Variants in FGF13 observed in about 807,000 individuals in gnomAD.
The protein encoded by FGF13 is fibroblast growth factor 13.
FGF13 carries 2 observed loss-of-function variants against 19.5 expected under a neutral mutation model. That is an observed-to-expected ratio of 0.10 (90% CI 0.04 to 0.32). The LOEUF is 0.32. Ranked by LOEUF, FGF13 falls within the 10% of genes least tolerant of loss-of-function variation. The pLI is 1.00. For synonymous variants in FGF13, 72 were observed against 76.9 expected, an observed-to-expected ratio of 0.94 and a Z score of 0.33; for missense variants, 113 against 192.7, an observed-to-expected ratio of 0.59 and a Z score of 2.45.
intron 1 of FGF13, among the ~76,000 whole-genome samples, chrX:139,148,037 G>A (rs907824687): frequency 9.0e-6 from 1 of 111,601 alleles, no homozygotes; most frequent in African/African-American, 3.3e-5. Context: ...AAGGTACACA[G>A]TAAGTGACAG....
At chrX:138,691,259 G>A (rs887850789) in intron 3 of FGF13, among the ~76,000 whole-genome samples, 1 of 111,632 alleles carries the variant, frequency 9.0e-6, no homozygotes, top group African/African-American at 3.3e-5. Context: ...GTGAATCACT[G>A]TTATGACATG....
At chrX:138,733,065 G>A (rs1422648622) in intron 1 of FGF13, among the ~76,000 whole-genome samples, 1 of 111,860 alleles carries the variant, frequency 8.9e-6, no homozygotes, top group African/African-American at 3.2e-5. Context: ...AAATAATGTA[G>A]TTAGACAACA....
At chrX:138,872,300 G>A (rs2091362391) in intron 1 of FGF13, among the ~76,000 whole-genome samples, 1 of 111,842 alleles carries the variant, frequency 8.9e-6, no homozygotes, top group Non-Finnish European at 1.9e-5. Flanking sequence ...GGGCAAGGAG[G>A]AGAGACATCC....
At position 139,069,612 on chromosome X, in the gene FGF13, AT is replaced by A. The variant is rs2092369944; in HGVS notation, c.-113+133803del. 2.7e-5 allele frequency among the ~76,000 whole-genome samples: 3 copies of A among 109,855 alleles called. No homozygotes were observed. The Admixed American group carries it at 2.9e-4, about 11-fold the overall frequency. On this transcript the variant is annotated intron_variant, in intron 1 of 2. Transcript: ENST00000421460. ...CATGTACCCTAAAACTTAAAGTATA[AT>A]TTAAAAAAAAAAACTACTTTAAATT...
At chrX:138,694,270 T>C (rs967452892) in intron 3 of FGF13, among the ~76,000 whole-genome samples, 1 of 111,293 alleles carries the variant, frequency 9.0e-6, no homozygotes, top group African/African-American at 3.3e-5. Context: ...TGGTATGAAA[T>C]TAAAACATAT....
intron 3 of FGF13, among the ~76,000 whole-genome samples, chrX:138,675,179 G>A (rs762924934): frequency 2.7e-5 from 3 of 112,170 alleles, no homozygotes; most frequent in Non-Finnish European, 5.6e-5. Context: ...AACTTATGTT[G>A]TCATGAGCTT....
intron 1 of FGF13, among the ~76,000 whole-genome samples, chrX:139,184,252 G>A (rs1482238108): frequency 9.0e-6 from 1 of 111,697 alleles, no homozygotes; most frequent in African/African-American, 3.3e-5. Flanking sequence ...AATAACCAGA[G>A]ACTACATTTG....
At chrX:138,651,325 G>A (rs180760815) in intron 3 of FGF13, among the ~76,000 whole-genome samples, 30 of 112,343 alleles carry the variant, frequency 2.7e-4, no homozygotes, top group Admixed American at 1.0e-3. Flanking sequence ...GCAAAGAGAT[G>A]GGTGTGTAAA....
At chrX:139,100,264 G>A (rs7884308) in intron 1 of FGF13, among the ~76,000 whole-genome samples, 10,717 of 110,622 alleles carry the variant, frequency 0.097, 405 homozygotes, top group South Asian at 0.2. Flanking sequence ...GGACACACGA[G>A]CAGATTAAGG....
At chrX:139,103,297 G>A in intron 1 of FGF13, among the ~76,000 whole-genome samples, 1 of 112,013 alleles carries the variant, frequency 8.9e-6, no homozygotes, top group Non-Finnish European at 1.9e-5. Context: ...ACTAATGGCT[G>A]GATAAACAAA....
intron 1 of FGF13, among the ~76,000 whole-genome samples, chrX:138,989,034 C>T (rs942234459): frequency 1.8e-5 from 2 of 111,529 alleles, no homozygotes; most frequent in African/African-American, 6.5e-5. Context: ...TCGGCTACCA[C>T]TTATAGATGA....
chrX:138,976,656 A>G (rs1475955494), intron 1 of FGF13, among the ~76,000 whole-genome samples: 1 of 111,289 alleles, frequency 9.0e-6, no homozygotes, highest in African/African-American at 3.3e-5. Flanking sequence ...TATAAAATTC[A>G]CCCATGTAAC....
chrX:138,640,614 T>C (rs1820971162), intron 3 of FGF13, among the ~76,000 whole-genome samples: 1 of 111,721 alleles, frequency 9.0e-6, no homozygotes, highest in Non-Finnish European at 1.9e-5. Flanking sequence ...AGTCAGCAGA[T>C]GGTGTGTAGC....
Position 138,711,710 on chromosome X carries a change from A to G in FGF13, c.-707T>C. 5.3e-6 allele frequency: 4 copies of G among 752,087 alleles called. No homozygotes were observed. The highest frequency in any genetic ancestry group is 6.3e-6 in the Non-Finnish European group (4 of 637,175). 62.0% of individuals were successfully genotyped at this position (752,087 alleles called of 1,213,427 possible). ...AGCCGCCGCAGGCACCCTCCGGAAC[A>G]GCGCGACAGCCTCCTTGCAGCCCCC... is the stretch of plus-strand genomic sequence containing the variant. On this transcript the variant is annotated 5_prime_UTR_variant, in exon 1 of 5. Transcript: ENST00000315930.
intron 1 of FGF13, among the ~76,000 whole-genome samples, chrX:139,169,095 G>A (rs906918847): frequency 3.6e-5 from 4 of 111,952 alleles, no homozygotes; most frequent in Non-Finnish European, 7.5e-5. Context: ...CACAACAGGA[G>A]GTACTAGTAT....
intron 3 of FGF13, among the ~76,000 whole-genome samples, chrX:138,653,950 T>C (rs758257486): frequency 3.4e-4 from 38 of 112,033 alleles, no homozygotes; most frequent in Admixed American, 2.9e-3. Context: ...GCAAATAGCG[T>C]CCCAGATTGG....
intron 1 of FGF13, among the ~76,000 whole-genome samples, chrX:138,957,664 C>T (rs1328063943): frequency 8.9e-6 from 1 of 111,756 alleles, no homozygotes; most frequent in South Asian, 3.8e-4. Context: ...GAATGTTCTT[C>T]CATTTGTTTG....
In FGF13 at chrX:138,702,973, C is replaced by A; in HGVS notation, c.402+11G>T. ...AGAATAGTCAAAACATGCACACAGT[C>A]AAAAGCTTACCGAGGTGTACAAGTA... is the stretch of plus-strand genomic sequence containing the variant. On this transcript the variant is annotated intron_variant, in intron 3 of 4. Transcript: ENST00000315930. The A allele has an allele frequency of 8.6e-7, 1 of 1,168,675 alleles. No homozygotes were observed. The highest frequency in any genetic ancestry group is 1.8e-5 in the South Asian group (1 of 55,887).
At chrX:138,986,169 A>T (rs2091993981) in intron 1 of FGF13, among the ~76,000 whole-genome samples, 1 of 111,876 alleles carries the variant, frequency 8.9e-6, no homozygotes, top group Non-Finnish European at 1.9e-5. Context: ...ACTCAAACCC[A>T]AATAGACTAG....
Sources: gnomAD v4.1 joint callset for allele counts (sites outside exome capture counted in the v4.1 genomes callset) on GRCh38, gnomAD v4.1.1 for gene constraint, MANE v1.5 for transcripts, NCBI Gene and HGNC (gene_info 2026-07-23, HGNC 2026-07-21) for gene names.